PLPPR1: variants seen among roughly 807,000 people sequenced by gnomAD.
PLPPR1 encodes phospholipid phosphatase-related protein type 1.
Under a neutral mutation model 33.1 loss-of-function variants are expected in PLPPR1, and 10 were observed. That is an observed-to-expected ratio of 0.30 (90% CI 0.19 to 0.51). PLPPR1 has a LOEUF of 0.51. Ranked by LOEUF, PLPPR1 falls within the 20% of genes least tolerant of loss-of-function variation. PLPPR1 has a pLI of 0.97. For missense variants in PLPPR1, 304 were observed against 408.1 expected (o/e 0.74, Z 2.20); for synonymous variants, 151 against 151.0 (o/e 1.00, Z 0.00).
intron 6 of PLPPR1, among the ~76,000 whole-genome samples, chr9:101,314,048 T>C (rs371800229): frequency 2.0e-3 from 306 of 152,334 alleles, no homozygotes; most frequent in African/African-American, 7.1e-3. Context: ...CAGATTTCTA[T>C]TATCTTCAAG....
intron 1 of PLPPR1, among the ~76,000 whole-genome samples, chr9:101,160,363 C>T (rs907964260): frequency 2.0e-5 from 3 of 152,132 alleles, no homozygotes; most frequent in Non-Finnish European, 4.4e-5. Flanking sequence ...CACATGAAGA[C>T]ATTGATGTAA....
intron 1 of PLPPR1, among the ~76,000 whole-genome samples, chr9:101,054,392 T>C (rs1830258965): frequency 6.6e-6 from 1 of 150,876 alleles, no homozygotes; most frequent in Admixed American, 6.6e-5. Context: ...CTCTCATGCA[T>C]TCATTTATTT....
chr9:101,055,219 T>A (rs1431615275), intron 1 of PLPPR1, among the ~76,000 whole-genome samples: 2 of 152,212 alleles, frequency 1.3e-5, no homozygotes, highest in Non-Finnish European at 2.9e-5. Context: ...TAAATTGTTT[T>A]TGAGTTTTTA....
At chr9:101,308,135 G>A (rs1168523415) in intron 4 of PLPPR1, among the ~76,000 whole-genome samples, 2 of 152,174 alleles carry the variant, frequency 1.3e-5, no homozygotes, top group East Asian at 3.8e-4. Flanking sequence ...TCATGTCCCT[G>A]GAAACTGAAT....
intron 2 of PLPPR1, among the ~76,000 whole-genome samples, chr9:101,242,885 G>C (rs1827504193): frequency 6.6e-6 from 1 of 152,046 alleles, no homozygotes; most frequent in South Asian, 2.1e-4. Flanking sequence ...ATGCAAACAA[G>C]TAATTATTGT....
At chr9:101,048,456 T>C (rs1830179921) in intron 1 of PLPPR1, among the ~76,000 whole-genome samples, 1 of 152,198 alleles carries the variant, frequency 6.6e-6, no homozygotes, top group African/African-American at 2.4e-5. Context: ...GTTAACTTCT[T>C]ACTGAGTCTC....
intron 2 of PLPPR1, among the ~76,000 whole-genome samples, chr9:101,256,124 A>G (rs930781216): frequency 1.3e-5 from 2 of 152,164 alleles, no homozygotes; most frequent in African/African-American, 2.4e-5. Flanking sequence ...CTTCCTTAAA[A>G]AACAACAACA....
At chr9:101,089,024 G>A (rs549647258) in intron 1 of PLPPR1, among the ~76,000 whole-genome samples, 1 of 152,262 alleles carries the variant, frequency 6.6e-6, no homozygotes, top group South Asian at 2.1e-4. Context: ...AACTCACAGG[G>A]ATTACCTTTC....
chr9:101,047,871 T>C (rs969077295), intron 1 of PLPPR1, among the ~76,000 whole-genome samples: 2 of 152,230 alleles, frequency 1.3e-5, no homozygotes, highest in Non-Finnish European at 2.9e-5. Flanking sequence ...TTTTGATTAC[T>C]CTCATGTTTT....
intron 1 of PLPPR1, among the ~76,000 whole-genome samples, chr9:101,082,551 C>A (rs1237147844): frequency 6.6e-6 from 1 of 152,158 alleles, no homozygotes; most frequent in Non-Finnish European, 1.5e-5. Context: ...ATGCATTAAA[C>A]TGGATTGGAT....
At chr9:101,125,367 C>A in intron 1 of PLPPR1, 1 of 173,538 alleles carries the variant, frequency 5.8e-6, no homozygotes, top group Non-Finnish European at 1.2e-5. Context: ...CTTGTCTCTA[C>A]TTACTTACTT....
chr9:101,249,378 G>A (rs1827675300), intron 2 of PLPPR1, among the ~76,000 whole-genome samples: 1 of 152,026 alleles, frequency 6.6e-6, no homozygotes. Context: ...TATCTAAAAA[G>A]GTGGTACCAC....
chr9:101,109,777 G>A (rs1462236034), intron 1 of PLPPR1, among the ~76,000 whole-genome samples: 1 of 152,092 alleles, frequency 6.6e-6, no homozygotes, highest in African/African-American at 2.4e-5. Flanking sequence ...TTTCAATACA[G>A]TTTGGAGTAT....
intron 1 of PLPPR1, chr9:101,125,424 A>G: frequency 4.7e-6 from 1 of 214,188 alleles, no homozygotes; most frequent in Non-Finnish European, 9.6e-6. Context: ...TTACTTACTT[A>G]TCTCTACATC....
rs1467785561 is a variant in PLPPR1, at chr9:101,043,130, C to CT, written c.-46+14029dup. Among the ~76,000 whole-genome samples the CT allele has an allele frequency of 4.6e-5, 7 of 152,186 alleles. No individual in the cohort carries two copies. The East Asian group carries it at 1.4e-3, about 29-fold the overall frequency. ...ATGCCTTTCCTTCCTCATAGTTTAG[C>CT]TCCCACTTATGAGTGAGAACATACG... On this transcript the variant is annotated intron_variant, in intron 1 of 7. Coordinates refer to ENST00000374874, the MANE Select transcript of PLPPR1 (RefSeq NM_207299.2).
intron 4 of PLPPR1, among the ~76,000 whole-genome samples, chr9:101,288,114 G>T (rs1197099349): frequency 1.6e-4 from 25 of 152,168 alleles, no homozygotes; most frequent in Non-Finnish European, 1.5e-5. Flanking sequence ...ACTGGCACTT[G>T]TCATTTATAT....
intron 2 of PLPPR1, among the ~76,000 whole-genome samples, chr9:101,256,872 T>A (rs1341596955): frequency 1.3e-5 from 2 of 152,148 alleles, no homozygotes; most frequent in East Asian, 3.9e-4. Flanking sequence ...TACAAAAGGC[T>A]TTTATTAAAT....
intron 1 of PLPPR1, among the ~76,000 whole-genome samples, chr9:101,181,672 A>ATATG (rs1826113905): frequency 6.7e-6 from 1 of 149,086 alleles, no homozygotes. Context: ...ATATGTATAT[A>ATATG]TATGTATATA....
At chr9:101,291,348 C>T (rs1217468022) in intron 4 of PLPPR1, among the ~76,000 whole-genome samples, 2 of 152,236 alleles carry the variant, frequency 1.3e-5, no homozygotes, top group South Asian at 2.1e-4. Flanking sequence ...GTAGGCTCCA[C>T]CTCTGGGGGC....
Sources: gnomAD v4.1 joint callset for allele counts (sites outside exome capture counted in the v4.1 genomes callset) on GRCh38, gnomAD v4.1.1 for gene constraint, MANE v1.5 for transcripts, NCBI Gene and HGNC (gene_info 2026-07-23, HGNC 2026-07-21) for gene names.